ASPM: variants seen among roughly 807,000 people sequenced by gnomAD.
The protein encoded by ASPM is assembly factor for spindle microtubules, also known as abnormal spindle-like microcephaly-associated protein.
ASPM carries 256 observed loss-of-function variants against 366.4 expected under a neutral mutation model. The observed-to-expected ratio is 0.70, with a 90% CI of 0.63 to 0.77. The LOEUF is 0.77. ASPM is among the 30% of genes least tolerant of loss of function. The pLI, the probability that ASPM is intolerant of heterozygous loss-of-function variation, is 0.00. For missense variants in ASPM, 4,146 were observed against 4,090.4 expected (o/e 1.01, Z -0.37); for synonymous variants, 1,414 against 1,342.9 (o/e 1.05, Z -1.16).
At chr1:197,135,623 CTTT>C (rs778898963) in intron 4 of ASPM, among the ~76,000 whole-genome samples, 5 of 69,818 alleles carry the variant, frequency 7.2e-5, no homozygotes, top group African/African-American at 2.8e-4. Flanking sequence ...AAATATCTGT[CTTT>C]TTTTTTTTTT....
rs1171089689 is a variant in ASPM at position 197,087,023 on chromosome 1, A to C, written c.10162-51T>G. ...AAAAAGTAATAAGAATTAAAATTTT[A>C]TCTCTTTTAGACTAGCAAAATCAAA... On this transcript the variant is annotated intron_variant, in intron 26 of 27. Coordinates refer to ENST00000367409, the MANE Select transcript of ASPM (RefSeq NM_018136.5). 3 of 1,505,498 alleles carry C rather than the reference A, an allele frequency of 2.0e-6. No homozygotes were observed. The African/African-American group carries it at 4.2e-5, about 21-fold the overall frequency. 93.3% of individuals were successfully genotyped at this position (1,505,498 alleles called of 1,614,324 possible).
intron 17 of ASPM, among the ~76,000 whole-genome samples, chr1:197,117,540 G>C (rs1183469516): frequency 6.6e-6 from 1 of 152,068 alleles, no homozygotes; most frequent in East Asian, 1.9e-4. Context: ...CGTAGAAGAC[G>C]CAACAAAGAA....
At chr1:197,114,779 C>T (rs539021815) in intron 17 of ASPM, among the ~76,000 whole-genome samples, 3 of 152,120 alleles carry the variant, frequency 2.0e-5, no homozygotes, top group South Asian at 4.2e-4. Flanking sequence ...GACGGAGTCT[C>T]GCTCTGTCAC....
Position 197,103,298 on chromosome 1 carries a change from C to T in ASPM, c.5953G>A (p.Val1985Met). 6.2e-7 allele frequency: 1 copy of T among 1,613,114 alleles called. No homozygotes were observed. Among genetic ancestry groups the T allele is most frequent in the East Asian group, 2.2e-5 (1 of 44,840 alleles). ...IIIQSYYRMH[V>M]QQKKWKIMKK... is the part of the protein sequence containing the mutation. ...ATGATTTTCCACTTCTTTTGTTGCA[C>T]ATGCATTCTATAGTATGACTGTATG... Residue 1985 changes from valine to methionine, a missense_variant, in exon 18 of 28, where the codon GTG becomes ATG. Transcript: ENST00000367409.
At chr1:197,096,266 A>T in intron 18 of ASPM, 102 bp from the exon 19 acceptor site, 2 of 1,041,402 alleles carry the variant, frequency 1.9e-6, no homozygotes, top group Non-Finnish European at 2.9e-6. Flanking sequence ...GTTAGTGCAG[A>T]CAAAAATAAA....
rs12677 is a variant in ASPM at position 197,084,243 on chromosome 1, G to C, written c.*81C>G. The stretch of plus-strand genomic sequence containing the variant: ...AAGTCAGATTTTAAAAGTTGTACAC[G>C]GAGAGCAAAAATCACTTTACGTACT... On this transcript the variant is annotated 3_prime_UTR_variant, in exon 28 of 28. Coordinates refer to ENST00000367409, the MANE Select transcript of ASPM (RefSeq NM_018136.5). The C allele has an allele frequency of 9.7e-7, 1 of 1,030,132 alleles. No individual in the cohort carries two copies. The highest frequency in any genetic ancestry group is 1.8e-5 in the Admixed American group (1 of 54,926). 63.8% of individuals were successfully genotyped at this position (1,030,132 alleles called of 1,614,324 possible).
chr1:197,140,955 G>A (rs1658559700), intron 3 of ASPM, among the ~76,000 whole-genome samples: 1 of 152,162 alleles, frequency 6.6e-6, no homozygotes, highest in Non-Finnish European at 1.5e-5. Context: ...ATAATGCCAG[G>A]TGGCTATCAA....
intron 19 of ASPM, 113 bp from the exon 20 acceptor site, chr1:197,094,293 T>C (rs555452045): frequency 1.5e-6 from 1 of 679,550 alleles, no homozygotes; most frequent in Admixed American, 2.7e-5. Context: ...AGAAAGGCAA[T>C]GACAGAATTT....
chr1:197,133,681 C>T lies in ASPM; in HGVS notation c.2174-86G>A, dbSNP rs188590651. On this transcript the variant is annotated intron_variant, in intron 5 of 27. Coordinates refer to ENST00000367409, the MANE Select transcript of ASPM (RefSeq NM_018136.5). Reference sequence around the variant, plus strand: ...TCCAGCAATAAAATGCAATTTCAGACGGTAAAAACATAATCTATTCCTCAC... The same window carrying T: ...TCCAGCAATAAAATGCAATTTCAGATGGTAAAAACATAATCTATTCCTCAC... 297 of 1,480,562 alleles carry T rather than the reference C, an allele frequency of 2.0e-4. No homozygotes were observed. The Middle Eastern group carries it at 2.1e-3, about 11-fold the overall frequency. The allele number at this position is 1,480,562 out of a possible 1,614,324, so 91.7% of individuals were successfully genotyped here.
chr1:197,126,479 T>C (rs1658096303), intron 10 of ASPM, among the ~76,000 whole-genome samples: 2 of 150,410 alleles, frequency 1.3e-5, no homozygotes, highest in African/African-American at 2.5e-5. Context: ...GGAGGGGGAC[T>C]TTCTTTGTGG....
chr1:197,104,930 A>G lies in ASPM; in HGVS notation c.4321T>C (p.Ser1441Pro). Residue 1441 changes from serine to proline, a missense_variant, in exon 18 of 28, where the codon TCA becomes CCA. This residue lies in a region of ASPM where 3,624 missense variants were observed against 3,591.7 expected (regional missense o/e 1.01). Transcript: ENST00000367409. The part of the protein sequence containing the change: ...FRKWKQRKMQ[S>P]QVKATVILQR... The stretch of plus-strand genomic sequence containing the variant: ...AATATTACTGTAGCTTTTACTTGTG[A>G]TTGCATTTTACGTTGCTTCCATTTT... 2.5e-6 allele frequency: 4 copies of G among 1,612,174 alleles called. No individual in the cohort carries two copies. The highest frequency in any genetic ancestry group is 3.4e-6 in the Non-Finnish European group (4 of 1,179,130).
intron 20 of ASPM, among the ~76,000 whole-genome samples, chr1:197,093,704 C>T (rs1656865052): frequency 6.6e-6 from 1 of 151,664 alleles, no homozygotes; most frequent in Admixed American, 6.6e-5. Flanking sequence ...GTGAGAATTA[C>T]CAAAATGAGA....
intron 17 of ASPM, among the ~76,000 whole-genome samples, chr1:197,106,807 A>T (rs1657426463): frequency 6.6e-6 from 1 of 152,138 alleles, no homozygotes; most frequent in Non-Finnish European, 1.5e-5. Flanking sequence ...AAGGAACACT[A>T]ATGTTACAAA....
rs1196799981 is a variant in ASPM at position 197,088,480 on chromosome 1, T to A, written c.9985-48A>T. 4 of 1,527,766 alleles carry A rather than the reference T, an allele frequency of 2.6e-6. No homozygotes were observed. In the African/African-American group the frequency reaches 5.5e-5, roughly 21 times the overall value. 94.6% of individuals were successfully genotyped at this position (1,527,766 alleles called of 1,614,324 possible). A position where few individuals can be genotyped will look rare whatever the true frequency, so the allele number is the denominator to read the frequency against. ...TAAAAGTTGTAATAAACACATACAT[T>A]TACAAACAACCCAACCAAAAAAACA... On this transcript the variant is annotated intron_variant, in intron 25 of 27. Coordinates refer to ENST00000367409, the MANE Select transcript of ASPM (RefSeq NM_018136.5).
At chr1:197,141,556 T>C (rs1021962901) in intron 3 of ASPM, among the ~76,000 whole-genome samples, 1 of 152,162 alleles carries the variant, frequency 6.6e-6, no homozygotes, top group Non-Finnish European at 1.5e-5. Context: ...GAGAAATTCC[T>C]CATTCTTAAA....
Position 197,102,940 on chromosome 1 carries a change from T to A in ASPM, c.6311A>T (p.Tyr2104Phe), listed in dbSNP as rs1657247814. Reference sequence around the variant, plus strand: ...ATGTCTTCTAACTCTAATACCTCTATAAACAGATTGGATTTTAATTGCTGT... The same window carrying A: ...ATGTCTTCTAACTCTAATACCTCTAAAAACAGATTGGATTTTAATTGCTGT... ...KKTAIKIQSV[Y>F]RGIRVRRHIQ... is the part of the protein sequence containing the mutation. The change falls in exon 18 of 28, where the codon TAT (tyrosine) becomes TTT (phenylalanine). Residue 2104 changes from tyrosine (Y) to phenylalanine (F), a missense_variant. Physicochemically the swap from Tyr to Phe is conservative, Grantham distance 22 (BLOSUM62 3). Around this residue, in one of 3 missense-constraint regions of ASPM, gnomAD observed 3,624 missense variants for 3,591.7 expected, o/e 1.01. Transcript: ENST00000367409. The A allele has an allele frequency of 1.2e-6, 2 of 1,612,372 alleles. No homozygotes were observed. Among genetic ancestry groups the A allele is most frequent in the African/African-American group, 1.3e-5 (1 of 74,814 alleles).
chr1:197,096,210 T>A, intron 18 of ASPM, 46 bp from the exon 19 acceptor site: 2 of 1,489,878 alleles, frequency 1.3e-6, no homozygotes, highest in South Asian at 1.1e-5. Context: ...GTTGTCTCTT[T>A]TTTTTTGTAA....
rs1657931122 is a variant in ASPM, at chr1:197,122,176, T to A, written c.3724A>T (p.Thr1242Ser). The change falls in exon 15 of 28, where the codon ACA becomes TCA. Residue 1242 changes from threonine (T) to serine (S), a missense_variant. Physicochemically the swap from Thr to Ser is moderately conservative, Grantham distance 58. Around this residue, in one of 3 missense-constraint regions of ASPM, gnomAD observed 3,624 missense variants for 3,591.7 expected, o/e 1.01. Coordinates refer to ENST00000367409, the MANE Select transcript of ASPM (RefSeq NM_018136.5). ...TTACTTACCTTTTCATCTGGAATTG[T>A]ATTTGACATATCTGAATGATTAATC... Reference protein sequence around the residue: ...AMINHSDMSNTIPDEKVVITY... With the variant: ...AMINHSDMSNSIPDEKVVITY... 6.2e-7 allele frequency: 1 copy of A among 1,611,172 alleles called. No individual in the cohort carries two copies.
At chr1:197,129,856 T>A in intron 8 of ASPM, 59 bp downstream of exon 8, 1 of 1,571,206 alleles carries the variant, frequency 6.4e-7, no homozygotes, top group Non-Finnish European at 8.7e-7. Flanking sequence ...ACAGGAAGAA[T>A]GACAATAAGC....
Sources: allele counts gnomAD v4.1 joint callset (sites outside exome capture counted in the v4.1 genomes callset), GRCh38; gene constraint gnomAD v4.1.1; regional missense constraint gnomAD v4.1.1; transcripts MANE v1.5; gene names NCBI Gene and HGNC (gene_info 2026-07-23, HGNC 2026-07-21).